Variants in PRELID2 observed in about 807,000 individuals in gnomAD.
The protein encoded by PRELID2 is PRELI domain-containing protein 2.
In PRELID2, 25 loss-of-function variants were observed where a neutral mutation model predicts 28.4. The observed-to-expected ratio is 0.88, with a 90% CI of 0.64 to 1.23. The LOEUF is 1.23. Among genes scored for constraint, PRELID2 ranks in the 50% most tolerant of loss-of-function variants. The pLI, the probability that PRELID2 is intolerant of heterozygous loss-of-function variation, is 0.00. For synonymous variants in PRELID2, 76 were observed against 71.6 expected, an observed-to-expected ratio of 1.06 and a Z score of -0.31; for missense variants, 201 against 214.4, an observed-to-expected ratio of 0.94 and a Z score of 0.39.
At chr5:145,338,836 T>C in the PRELID2 span, among the ~76,000 whole-genome samples, 1 of 152,236 alleles carries the variant, frequency 6.6e-6, no homozygotes, top group African/African-American at 2.4e-5. Flanking sequence ...CCAATGCCTA[T>C]GTACTATTCA....
chr5:145,230,197 G>A, the PRELID2 span: 9 of 382,378 alleles, frequency 2.4e-5, no homozygotes, highest in Admixed American at 3.6e-5. Context: ...GCTTTGTTCC[G>A]TGGTCCCCCC....
At chr5:145,343,312 T>C in the PRELID2 span, among the ~76,000 whole-genome samples, 1 of 151,864 alleles carries the variant, frequency 6.6e-6, no homozygotes, top group African/African-American at 2.4e-5. Context: ...AAACCAATAT[T>C]ATATCAAGTA....
rs1455354332 is a variant in PRELID2 at position 145,741,126 on chromosome 5, ATATAAATATATAATG to A, written n.70+23790_70+23804del. ...TATGCTTTACATATAAATATATAAT[ATATAAATATATAATG>A]TATAAATATGTAAAATATATAAATA... On this transcript the variant is annotated intron_variant and non_coding_transcript_variant, in intron 1 of 2. Coordinates refer to the PRELID2 transcript ENST00000510259. Among the ~76,000 whole-genome samples, 54 of 117,056 alleles carry A rather than the reference ATATAAATATATAATG, an allele frequency of 4.6e-4. 1 individual carries two copies. In the East Asian group the frequency reaches 0.011, roughly 23 times the overall value. 76.8% of individuals were successfully genotyped at this position (117,056 alleles called of 152,430 possible). A position where few individuals can be genotyped will look rare whatever the true frequency, so the allele number is the denominator to read the frequency against.
chr5:145,470,222 G>T (rs1203322378), downstream of PRELID2, among the ~76,000 whole-genome samples: 1 of 151,998 alleles, frequency 6.6e-6, no homozygotes, highest in Non-Finnish European at 1.5e-5. Flanking sequence ...TCCTTCTGTA[G>T]CAAAAAAGAA....
intron 1 of PRELID2, among the ~76,000 whole-genome samples, chr5:145,696,096 GA>G (rs1251733535): frequency 6.9e-6 from 1 of 145,858 alleles, no homozygotes; most frequent in African/African-American, 2.5e-5. Context: ...TCTAAAACTT[GA>G]AAATCATGTA....
chr5:145,413,221 A>T, the PRELID2 span, among the ~76,000 whole-genome samples: 1 of 152,218 alleles, frequency 6.6e-6, no homozygotes, highest in African/African-American at 2.4e-5. Flanking sequence ...TACAAATAAA[A>T]AAATATGAAA....
chr5:145,536,908 A>C (rs1284782017), intron 1 of PRELID2, among the ~76,000 whole-genome samples: 1 of 151,860 alleles, frequency 6.6e-6, no homozygotes, highest in Non-Finnish European at 1.5e-5. Context: ...TCTAAATTAA[A>C]CAGAAGAAAG....
chr5:145,603,175 GAAGT>G (rs1297115549), intron 1 of PRELID2, among the ~76,000 whole-genome samples: 2 of 151,650 alleles, frequency 1.3e-5, no homozygotes, highest in Non-Finnish European at 2.9e-5. Context: ...ACTATTGAAA[GAAGT>G]AAGTTCTGCG....
the PRELID2 span, among the ~76,000 whole-genome samples, chr5:145,413,773 A>G: frequency 1.3e-5 from 2 of 152,074 alleles, no homozygotes; most frequent in African/African-American, 4.8e-5. Flanking sequence ...TTTAGGTTCC[A>G]TACATAAATG....
intron 1 of PRELID2, among the ~76,000 whole-genome samples, chr5:145,540,195 C>T (rs1374510166): frequency 1.3e-5 from 2 of 151,908 alleles, no homozygotes; most frequent in South Asian, 2.1e-4. Context: ...TAAAATTCTG[C>T]AATTTGAGTT....
At chr5:145,285,571 A>G in the PRELID2 span, among the ~76,000 whole-genome samples, 2 of 152,220 alleles carry the variant, frequency 1.3e-5, no homozygotes, top group East Asian at 3.9e-4. Flanking sequence ...GTATTCAAAC[A>G]TGATGTAATT....
chr5:145,641,440 C>T (rs752815855), intron 1 of PRELID2, among the ~76,000 whole-genome samples: 14 of 152,170 alleles, frequency 9.2e-5, no homozygotes, highest in Non-Finnish European at 1.3e-4. Context: ...GATGCCATTT[C>T]GCAAACACTA....
At chr5:145,453,349 G>C in the PRELID2 span, among the ~76,000 whole-genome samples, 2 of 152,174 alleles carry the variant, frequency 1.3e-5, no homozygotes, top group African/African-American at 4.8e-5. Context: ...ACATTCATCA[G>C]ACTTTATAAA....
chr5:145,314,040 A>G, the PRELID2 span, among the ~76,000 whole-genome samples: 2 of 152,198 alleles, frequency 1.3e-5, no homozygotes, highest in African/African-American at 4.8e-5. Context: ...GCTATGAGAC[A>G]TCGTACAGTT....
Position 145,713,771 on chromosome 5 carries a change from A to G in PRELID2, n.70+51160T>C, listed in dbSNP as rs145944671. On this transcript the variant is annotated intron_variant and non_coding_transcript_variant, in intron 1 of 2. Coordinates refer to the PRELID2 transcript ENST00000510259. ...CTGGCACATATATATATGCCAGAAG[A>G]CAATGGAATTACATTTTAAATGTAA... Among the ~76,000 whole-genome samples the G allele has an allele frequency of 4.8e-3, 712 of 148,574 alleles. 4 individuals are homozygous for G. Among genetic ancestry groups the G allele is most frequent in the Non-Finnish European group, 7.5e-3 (506 of 67,174 alleles).
chr5:145,349,288 A>AT, the PRELID2 span, among the ~76,000 whole-genome samples: 2 of 151,932 alleles, frequency 1.3e-5, no homozygotes, highest in Non-Finnish European at 2.9e-5. Flanking sequence ...ATTTTTAAAT[A>AT]TTTTTTTTCA....
At chr5:145,462,141 C>T in the PRELID2 span, among the ~76,000 whole-genome samples, 2 of 152,118 alleles carry the variant, frequency 1.3e-5, no homozygotes, top group Non-Finnish European at 2.9e-5. Context: ...ATCATTGCAG[C>T]TGATAGTACG....
chr5:145,425,554 A>G, the PRELID2 span, among the ~76,000 whole-genome samples: 1 of 152,328 alleles, frequency 6.6e-6, no homozygotes, highest in East Asian at 1.9e-4. Flanking sequence ...GTAAACATAC[A>G]CCATGGAATA....
At chr5:145,801,544 C>T (rs143350485) in intron 4 of PRELID2, among the ~76,000 whole-genome samples, 126 of 152,282 alleles carry the variant, frequency 8.3e-4, no homozygotes, top group Middle Eastern at 6.8e-3. Context: ...AACCCAGTAT[C>T]GTAACAATGT....
Sources: gnomAD v4.1 joint callset for allele counts (sites outside exome capture counted in the v4.1 genomes callset) on GRCh38, gnomAD v4.1.1 for gene constraint, MANE v1.5 for transcripts, NCBI Gene and HGNC (gene_info 2026-07-23, HGNC 2026-07-21) for gene names.